Variants in AK5 observed in about 807,000 individuals in gnomAD.
The protein encoded by AK5 is adenylate kinase isoenzyme 5.
AK5 carries 27 observed loss-of-function variants against 69.5 expected under a neutral mutation model. That is an observed-to-expected ratio of 0.39 (90% confidence interval 0.29 to 0.54). The LOEUF is 0.54. Ranked by LOEUF, AK5 falls within the 20% of genes least tolerant of loss-of-function variation. The probability of loss-of-function intolerance (pLI) is 0.71; values close to 1 mark genes in which losing one functional copy is unlikely to be tolerated. For missense variants in AK5, 531 were observed against 700.4 expected (o/e 0.76, Z 2.73); for synonymous variants, 260 against 244.4 (o/e 1.06, Z -0.60).
chr1:77,431,370 A>G (rs1651627071), intron 8 of AK5, among the ~76,000 whole-genome samples: 2 of 152,062 alleles, frequency 1.3e-5, no homozygotes. Context: ...GGTGCCAGAC[A>G]CTCTTATAGG....
chr1:77,306,805 G>T (rs1158159487), intron 5 of AK5, among the ~76,000 whole-genome samples: 1 of 151,900 alleles, frequency 6.6e-6, no homozygotes, highest in Non-Finnish European at 1.5e-5. Flanking sequence ...TCAGGTTTGG[G>T]ATTTCTTCTT....
At chr1:77,444,870 C>T (rs993688909) in intron 8 of AK5, among the ~76,000 whole-genome samples, 3 of 151,528 alleles carry the variant, frequency 2.0e-5, no homozygotes, top group African/African-American at 4.9e-5. Context: ...AAAACACCAT[C>T]GCTGGCCAAT....
At chr1:77,417,603 A>G in intron 7 of AK5, 36 bp from the exon 8 acceptor site, 1 of 1,306,552 alleles carries the variant, frequency 7.7e-7, no homozygotes, top group Non-Finnish European at 1.1e-6. Context: ...TACATAGACA[A>G]CCTCCATCCA....
chr1:77,416,823 A>G (rs1173371928), intron 7 of AK5, among the ~76,000 whole-genome samples: 2 of 152,226 alleles, frequency 1.3e-5, no homozygotes. Context: ...CAGTGAAACA[A>G]TGTTTTTTCA....
chr1:77,282,293 C>G lies in AK5; in HGVS notation c.-21C>G, dbSNP rs1570303473. 1.3e-6 allele frequency: 2 copies of G among 1,545,768 alleles called. No individual in the cohort carries two copies. The highest frequency in any genetic ancestry group is 4.9e-5 in the East Asian group (2 of 40,606). On this transcript the variant is annotated 5_prime_UTR_variant, in exon 1 of 14. Transcript: ENST00000354567. ...CCCGGGAGCCTCCCCGCTTGCGCCC[C>G]AAGGCACGCGCGGCACAGCCATGAA...
intron 10 of AK5, among the ~76,000 whole-genome samples, chr1:77,506,639 T>A (rs1657045923): frequency 6.6e-6 from 1 of 152,180 alleles, no homozygotes; most frequent in Admixed American, 6.5e-5. Context: ...GTTGGCTGAA[T>A]GAATTGTAAA....
intron 6 of AK5, among the ~76,000 whole-genome samples, chr1:77,366,994 AGAAATGCCAAG>A (rs1646961805): frequency 3.3e-5 from 5 of 152,260 alleles, no homozygotes; most frequent in Admixed American, 3.3e-4. Context: ...TCTTCACTTC[AGAAATGCCAAG>A]GCTCTGAAGC....
chr1:77,367,589 T>TAATATATATGTATATATATATGTTA (rs1553139773), intron 6 of AK5, among the ~76,000 whole-genome samples: 6 of 43,596 alleles, frequency 1.4e-4, no homozygotes, highest in African/African-American at 4.8e-4. Flanking sequence ...AATATATATG[T>TAATATATATGTATATATATATGTTA]TATATATGTA....
At chr1:77,550,696 A>G (rs1659780157) in intron 13 of AK5, among the ~76,000 whole-genome samples, 1 of 152,262 alleles carries the variant, frequency 6.6e-6, no homozygotes, top group African/African-American at 2.4e-5. Flanking sequence ...TTGCAGTTAT[A>G]TACAAAAAGA....
intron 8 of AK5, among the ~76,000 whole-genome samples, chr1:77,427,676 G>A (rs1448233829): frequency 6.6e-6 from 1 of 151,978 alleles, no homozygotes; most frequent in East Asian, 1.9e-4. Context: ...GAAAACTGCA[G>A]ACCAGTATCT....
At chr1:77,526,208 T>TG (rs1425380798) in intron 12 of AK5, among the ~76,000 whole-genome samples, 1 of 152,070 alleles carries the variant, frequency 6.6e-6, no homozygotes, top group Non-Finnish European at 1.5e-5. Context: ...TGTGCAGGGC[T>TG]GGGGGGTTGG....
At chr1:77,385,156 T>G (rs1570479196) in intron 6 of AK5, among the ~76,000 whole-genome samples, 1 of 152,000 alleles carries the variant, frequency 6.6e-6, no homozygotes, top group East Asian at 1.9e-4. Flanking sequence ...TTTTTGTTTT[T>G]GTTTTGTTTT....
At chr1:77,439,726 T>C (rs1204618058) in intron 8 of AK5, among the ~76,000 whole-genome samples, 2 of 149,638 alleles carry the variant, frequency 1.3e-5, no homozygotes, top group Non-Finnish European at 3.0e-5. Context: ...CAAATGACAG[T>C]ATTTATATAA....
intron 8 of AK5, among the ~76,000 whole-genome samples, chr1:77,480,203 A>C (rs1190354799): frequency 6.6e-6 from 1 of 152,012 alleles, no homozygotes. Flanking sequence ...CATTGGAACC[A>C]TGAGGTTTAT....
At chr1:77,448,006 G>C (rs1308411076) in intron 8 of AK5, among the ~76,000 whole-genome samples, 1 of 152,210 alleles carries the variant, frequency 6.6e-6, no homozygotes, top group Non-Finnish European at 1.5e-5. Flanking sequence ...GTCCATCCAG[G>C]CTTAGGGCAC....
At chr1:77,346,807 AAAACT>A (rs1237338882) in intron 6 of AK5, among the ~76,000 whole-genome samples, 1 of 152,182 alleles carries the variant, frequency 6.6e-6, no homozygotes, top group Non-Finnish European at 1.5e-5. Flanking sequence ...AGGAGAAAAG[AAAACT>A]AAACAGCATG....
At chr1:77,348,151 CAT>C (rs143004544) in intron 6 of AK5, among the ~76,000 whole-genome samples, 9,036 of 152,208 alleles carry the variant, frequency 0.059, 431 homozygotes, top group East Asian at 0.2. Flanking sequence ...TACCGACACT[CAT>C]AAAACAGAGT....
intron 5 of AK5, among the ~76,000 whole-genome samples, chr1:77,312,717 A>G (rs554475786): frequency 3.2e-4 from 48 of 152,016 alleles, no homozygotes; most frequent in African/African-American, 1.1e-3. Context: ...GTTCTTAAAT[A>G]TGCATCTTGG....
At chr1:77,492,566 A>G (rs1656062771) in intron 10 of AK5, among the ~76,000 whole-genome samples, 1 of 152,358 alleles carries the variant, frequency 6.6e-6, no homozygotes, top group African/African-American at 2.4e-5. Flanking sequence ...TTTAGCACTT[A>G]GGGATCTCAA....
Sources: allele counts gnomAD v4.1 joint callset (sites outside exome capture counted in the v4.1 genomes callset), GRCh38; gene constraint gnomAD v4.1.1; transcripts MANE v1.5; gene names NCBI Gene and HGNC (gene_info 2026-07-23, HGNC 2026-07-21).